The following ZDHHC20 variants were observed in gnomAD, a reference collection of about 807,000 sequenced individuals.
ZDHHC20 encodes palmitoyltransferase ZDHHC20.
ZDHHC20 carries 43 observed loss-of-function variants against 57.8 expected under a neutral mutation model. The observed-to-expected ratio is 0.74, with a 90% CI of 0.58 to 0.96. ZDHHC20 has a LOEUF of 0.96. ZDHHC20 is among the 40% of genes least tolerant of loss of function. ZDHHC20 has a pLI of 0.00. For synonymous variants in ZDHHC20, 157 were observed against 153.0 expected (o/e 1.03, Z -0.19); for missense variants, 391 against 441.1 (o/e 0.89, Z 1.02).
intron 7 of ZDHHC20, among the ~76,000 whole-genome samples, chr13:21,393,083 C>G (rs753848951): frequency 4.6e-5 from 7 of 151,976 alleles, no homozygotes; most frequent in Admixed American, 2.0e-4. Context: ...TGAAAGAACA[C>G]TAAGATGTTG....
chr13:21,390,715 C>A (rs137867391), intron 8 of ZDHHC20, among the ~76,000 whole-genome samples: 5 of 152,038 alleles, frequency 3.3e-5, no homozygotes, highest in Non-Finnish European at 4.4e-5. Context: ...GCCTGGGCAA[C>A]GTAGCAAGAC....
At position 21,382,996 on chromosome 13, in the gene ZDHHC20, A is replaced by C. The variant is rs1182793354; in HGVS notation, c.868T>G (p.Cys290Gly). The change falls in exon 10 of 13, where the codon TGC becomes GGC. Residue 290 changes from cysteine to glycine, a missense_variant. Cys to Gly is a radical substitution (Grantham distance 159). Coordinates refer to ENST00000400590, the MANE Select transcript of ZDHHC20 (RefSeq NM_001330059.2). ...LPIFSSLGDG[C>G]SFPTRLVGMD... ...CCCACAAGGCGAGTTGGAAAACTGC[A>C]ACCATCACCCAAGCTGCATAATGAA... 6.4e-7 allele frequency: 1 copy of C among 1,559,658 alleles called. No homozygotes were observed. Among genetic ancestry groups the C allele is most frequent in the Non-Finnish European group, 8.7e-7 (1 of 1,150,864 alleles).
chr13:21,386,959 C>T (rs930152667), intron 9 of ZDHHC20, among the ~76,000 whole-genome samples: 2 of 152,222 alleles, frequency 1.3e-5, no homozygotes, highest in African/African-American at 4.8e-5. Context: ...AAACCCATAA[C>T]TCTTACAAAT....
intron 3 of ZDHHC20, among the ~76,000 whole-genome samples, chr13:21,415,661 A>G (rs751715957): frequency 1.3e-5 from 2 of 152,214 alleles, no homozygotes; most frequent in Non-Finnish European, 2.9e-5. Context: ...GTTCTCTTTT[A>G]AGAGAATTTT....
chr13:21,383,842 C>T (rs186594450), intron 9 of ZDHHC20, among the ~76,000 whole-genome samples: 10 of 152,076 alleles, frequency 6.6e-5, no homozygotes, highest in African/African-American at 9.6e-5. Flanking sequence ...AAGAAGCTTG[C>T]GGTCTAAAAA....
chr13:21,437,430 G>A (rs547452498), intron 1 of ZDHHC20, among the ~76,000 whole-genome samples: 1 of 152,290 alleles, frequency 6.6e-6, no homozygotes, highest in South Asian at 2.1e-4. Context: ...GCTCGCTGCA[G>A]ATGAAACAGT....
intron 1 of ZDHHC20, among the ~76,000 whole-genome samples, chr13:21,441,487 G>A (rs985017993): frequency 6.8e-6 from 1 of 146,926 alleles, no homozygotes; most frequent in African/African-American, 2.5e-5. Context: ...CTGGGTTCAC[G>A]CCATTCTCTT....
chr13:21,393,689 G>A (rs1876208197), intron 7 of ZDHHC20, among the ~76,000 whole-genome samples: 1 of 100,304 alleles, frequency 1.0e-5, no homozygotes, highest in African/African-American at 4.6e-5. Flanking sequence ...GGGCGACACA[G>A]CAAGTCTCAC....
intron 1 of ZDHHC20, among the ~76,000 whole-genome samples, chr13:21,426,704 C>G (rs1881301807): frequency 6.6e-6 from 1 of 150,652 alleles, no homozygotes; most frequent in Non-Finnish European, 1.5e-5. Context: ...CTCCCAGGTT[C>G]AAGTGATTCT....
chr13:21,412,602 C>G (rs546033026), intron 4 of ZDHHC20, among the ~76,000 whole-genome samples: 1 of 152,156 alleles, frequency 6.6e-6, no homozygotes, highest in African/African-American at 2.4e-5. Context: ...AAGCCCGTTG[C>G]CTGGAATTCA....
At chr13:21,431,340 G>A (rs778362696) in intron 1 of ZDHHC20, among the ~76,000 whole-genome samples, 3 of 152,112 alleles carry the variant, frequency 2.0e-5, no homozygotes, top group East Asian at 3.9e-4. Flanking sequence ...TCACTACCAC[G>A]AGAACAGTAT....
intron 7 of ZDHHC20, among the ~76,000 whole-genome samples, chr13:21,393,251 C>T (rs1318849819): frequency 4.6e-5 from 7 of 151,362 alleles, no homozygotes; most frequent in African/African-American, 1.7e-4. Flanking sequence ...ACCTGTAATC[C>T]CAGTACTTTG....
At chr13:21,449,378 T>C (rs1884220951) in intron 1 of ZDHHC20, among the ~76,000 whole-genome samples, 2 of 152,214 alleles carry the variant, frequency 1.3e-5, no homozygotes, top group South Asian at 2.1e-4. Flanking sequence ...TAAAATCGCC[T>C]TGTTCACACA....
chr13:21,411,888 A>G (rs1879264719), intron 4 of ZDHHC20, among the ~76,000 whole-genome samples: 1 of 152,166 alleles, frequency 6.6e-6, no homozygotes, highest in Non-Finnish European at 1.5e-5. Context: ...CTCCCCCAAG[A>G]TATTAGGTTT....
chr13:21,424,364 C>T (rs1004707405), intron 2 of ZDHHC20, among the ~76,000 whole-genome samples: 2 of 152,022 alleles, frequency 1.3e-5, no homozygotes, highest in African/African-American at 4.8e-5. Flanking sequence ...TCAAAAATCA[C>T]CCGTAACTGA....
Position 21,400,387 on chromosome 13 carries a change from T to C in ZDHHC20, c.580A>G (p.Ile194Val). The C allele has an allele frequency of 6.3e-7, 1 of 1,587,510 alleles. No individual in the cohort carries two copies. Among genetic ancestry groups the C allele is most frequent in the Non-Finnish European group, 8.5e-7 (1 of 1,173,116 alleles). ...AAAAGACTTACCGTCCAAAATTTTA[T>C]AAAGTACTCTAAAACTGTTGCAGCC... Reference protein sequence around the residue: ...FVAATVLEYFIKFWTNELTDT... With the variant: ...FVAATVLEYFVKFWTNELTDT... The change falls in exon 7 of 13, where the codon ATA becomes GTA. Residue 194 changes from isoleucine (I) to valine (V), a missense_variant. Transcript: ENST00000400590.
chr13:21,450,753 G>C (rs1024925338), intron 1 of ZDHHC20, among the ~76,000 whole-genome samples: 6 of 150,582 alleles, frequency 4.0e-5, no homozygotes, highest in African/African-American at 1.5e-4. Context: ...TTAATAAAAA[G>C]GTGGTTTTTT....
chr13:21,456,354 G>C (rs1245031655), intron 1 of ZDHHC20, among the ~76,000 whole-genome samples: 1 of 152,172 alleles, frequency 6.6e-6, no homozygotes, highest in Non-Finnish European at 1.5e-5. Flanking sequence ...AGGTTGCAGT[G>C]AGCCAAGATC....
At chr13:21,378,406 G>A (rs1404216496) in intron 12 of ZDHHC20, among the ~76,000 whole-genome samples, 1 of 152,098 alleles carries the variant, frequency 6.6e-6, no homozygotes, top group Non-Finnish European at 1.5e-5. Flanking sequence ...GAAAAGGCCA[G>A]TGGTCCACAT....
Sources: allele counts gnomAD v4.1 joint callset (sites outside exome capture counted in the v4.1 genomes callset), GRCh38; gene constraint gnomAD v4.1.1; transcripts MANE v1.5; gene names NCBI Gene and HGNC (gene_info 2026-07-23, HGNC 2026-07-21).